CTNNA3: variants seen among roughly 807,000 people sequenced by gnomAD.
CTNNA3 encodes catenin alpha 3.
CTNNA3 carries 76 observed loss-of-function variants against 95.7 expected under a neutral mutation model. The observed-to-expected ratio is 0.79, with a 90% confidence interval of 0.66 to 0.96. The LOEUF is 0.96. Ranked by LOEUF, CTNNA3 falls within the 40% of genes least tolerant of loss-of-function variation. The pLI is 0.00. For missense variants in CTNNA3, 1,191 were observed against 1,089.8 expected, an observed-to-expected ratio of 1.09 and a Z score of -1.31; for synonymous variants, 431 against 374.4, an observed-to-expected ratio of 1.15 and a Z score of -1.74.
At chr10:67,190,330 G>A (rs1863062191) in intron 6 of CTNNA3, among the ~76,000 whole-genome samples, 2 of 151,826 alleles carry the variant, frequency 1.3e-5, no homozygotes, top group African/African-American at 4.8e-5. Context: ...TTTTTAAAAC[G>A]AGCACACAAC....
intron 1 of CTNNA3, among the ~76,000 whole-genome samples, chr10:67,736,557 G>A (rs558792488): frequency 2.4e-4 from 35 of 147,048 alleles, no homozygotes; most frequent in Admixed American, 1.5e-3. Flanking sequence ...CCAGTTTCAC[G>A]CCATTCTCCT....
At chr10:66,163,980 G>T (rs1228196976) in intron 13 of CTNNA3, among the ~76,000 whole-genome samples, 1 of 152,122 alleles carries the variant, frequency 6.6e-6, no homozygotes, top group Non-Finnish European at 1.5e-5. Flanking sequence ...GAGTAACATT[G>T]TAATGAAAAC....
intron 7 of CTNNA3, among the ~76,000 whole-genome samples, chr10:66,823,314 T>G (rs1842366335): frequency 6.6e-6 from 1 of 152,198 alleles, no homozygotes; most frequent in Non-Finnish European, 1.5e-5. Context: ...TTCCATGTCA[T>G]CACCAAGACA....
At chr10:66,629,938 A>G (rs1179666514) in intron 9 of CTNNA3, among the ~76,000 whole-genome samples, 1 of 152,110 alleles carries the variant, frequency 6.6e-6, no homozygotes, top group Non-Finnish European at 1.5e-5. Flanking sequence ...CCACCTCCAC[A>G]CAGAATACCT....
intron 7 of CTNNA3, among the ~76,000 whole-genome samples, chr10:67,131,366 G>A (rs1215159033): frequency 3.3e-5 from 5 of 152,066 alleles, no homozygotes; most frequent in Admixed American, 1.3e-4. Flanking sequence ...GATTGTTTTG[G>A]TTATCAAGCA....
chr10:66,537,071 T>A (rs1325127677), intron 10 of CTNNA3, among the ~76,000 whole-genome samples: 1 of 152,004 alleles, frequency 6.6e-6, no homozygotes, highest in Non-Finnish European at 1.5e-5. Flanking sequence ...AAGACTTACA[T>A]AAAATATATA....
In CTNNA3 at chr10:66,897,619, T is replaced by C. The variant is rs148008848; in HGVS notation, c.1048-122095A>G. On this transcript the variant is annotated intron_variant, in intron 7 of 17. Transcript: ENST00000433211. ...GACAATGAAAAATGCAAGGAAATCT[T>C]AAATCATTTTTATTCATCAAATTGT... Among the ~76,000 whole-genome samples, 16 of 152,264 alleles carry C rather than the reference T, an allele frequency of 1.1e-4. No homozygotes were observed. In the East Asian group the frequency reaches 3.1e-3, roughly 29 times the overall value.
At position 66,132,198 on chromosome 10, in the gene CTNNA3, T is replaced by C. The variant is rs151132978; in HGVS notation, c.1885-28949A>G. 1.3e-4 allele frequency among the ~76,000 whole-genome samples: 20 copies of C among 152,266 alleles called. No individual in the cohort carries two copies. In the East Asian group the frequency reaches 3.3e-3, roughly 25 times the overall value. ...ATAGTCAGCATCTATAAGGAACTTA[T>C]ACAAATCTATAAGACAAAAGCAAAC... On this transcript the variant is annotated intron_variant, in intron 13 of 17. Transcript: ENST00000433211.
intron 15 of CTNNA3, among the ~76,000 whole-genome samples, chr10:66,057,481 T>C (rs1032043894): frequency 1.3e-5 from 2 of 152,224 alleles, no homozygotes; most frequent in Admixed American, 1.3e-4. Context: ...GAATGTTTGC[T>C]CATTACTTAT....
chr10:66,534,349 A>C (rs1841574400), intron 10 of CTNNA3, among the ~76,000 whole-genome samples: 1 of 152,082 alleles, frequency 6.6e-6, no homozygotes, highest in South Asian at 2.1e-4. Flanking sequence ...GACCTGAAAC[A>C]AAGTTCTTTA....
At chr10:66,333,343 C>G (rs552860727) in intron 12 of CTNNA3, among the ~76,000 whole-genome samples, 13 of 151,956 alleles carry the variant, frequency 8.6e-5, no homozygotes, top group Non-Finnish European at 1.9e-4. Context: ...TTAGATCTTT[C>G]CTGCTTTCTC....
chr10:66,530,027 A>G (rs1033289211), intron 10 of CTNNA3, among the ~76,000 whole-genome samples: 2 of 152,198 alleles, frequency 1.3e-5, no homozygotes, highest in African/African-American at 2.4e-5. Flanking sequence ...GCTGATGTAT[A>G]TACTTCTCTT....
chr10:67,639,969 C>A (rs1839470023), intron 2 of CTNNA3, among the ~76,000 whole-genome samples: 1 of 152,142 alleles, frequency 6.6e-6, no homozygotes, highest in Non-Finnish European at 1.5e-5. Context: ...CCCTCTCTCA[C>A]CACTCCTATT....
At chr10:66,241,690 T>C (rs2090117133) in intron 13 of CTNNA3, among the ~76,000 whole-genome samples, 1 of 134,946 alleles carries the variant, frequency 7.4e-6, no homozygotes, top group Non-Finnish European at 1.5e-5. Context: ...GATATGGCTA[T>C]AGAAAGAAAC....
chr10:67,260,749 A>T (rs771820880), intron 5 of CTNNA3, among the ~76,000 whole-genome samples: 1 of 151,920 alleles, frequency 6.6e-6, no homozygotes, highest in Non-Finnish European at 1.5e-5. Context: ...CAGTGGCTCA[A>T]TCTCGGCTCA....
chr10:67,559,998 A>C (rs902213939), intron 3 of CTNNA3, among the ~76,000 whole-genome samples: 19 of 152,174 alleles, frequency 1.2e-4, no homozygotes, highest in African/African-American at 3.4e-4. Context: ...GAAAAGACCA[A>C]ATCTACGTCT....
At chr10:66,249,268 C>A (rs1477503945) in intron 13 of CTNNA3, among the ~76,000 whole-genome samples, 1 of 151,988 alleles carries the variant, frequency 6.6e-6, no homozygotes, top group Admixed American at 6.6e-5. Flanking sequence ...CAAAAAAGAA[C>A]AAATGAGATC....
intron 2 of CTNNA3, among the ~76,000 whole-genome samples, chr10:67,631,885 G>A (rs1189066658): frequency 6.6e-6 from 1 of 152,130 alleles, no homozygotes; most frequent in Non-Finnish European, 1.5e-5. Flanking sequence ...GGCAAATACT[G>A]TATGATCTCA....
chr10:67,390,501 A>T (rs1483382712), intron 5 of CTNNA3, among the ~76,000 whole-genome samples: 3 of 152,050 alleles, frequency 2.0e-5, no homozygotes, highest in African/African-American at 7.2e-5. Context: ...TACCATTCCT[A>T]CTGAAACTAT....
Sources: allele counts gnomAD v4.1 joint callset (sites outside exome capture counted in the v4.1 genomes callset), GRCh38; gene constraint gnomAD v4.1.1; transcripts MANE v1.5; gene names NCBI Gene and HGNC (gene_info 2026-07-23, HGNC 2026-07-21).